ADAMTSL1: variants seen among roughly 807,000 people sequenced by gnomAD.
The protein encoded by ADAMTSL1 is ADAMTS-like protein 1.
In ADAMTSL1, 126 loss-of-function variants were observed where a neutral mutation model predicts 201.8. The observed-to-expected ratio is 0.62, with a 90% CI of 0.54 to 0.72. The LOEUF (loss-of-function observed/expected upper bound fraction) is 0.72, where lower values mean the gene tolerates loss of function less well. Among genes scored for constraint, ADAMTSL1 ranks in the 30% least tolerant of loss-of-function variants. The pLI is 0.00. For synonymous variants in ADAMTSL1, 1,121 were observed against 903.4 expected (o/e 1.24, Z -4.32); for missense variants, 2,679 against 2,277.8 (o/e 1.18, Z -3.59).
chr9:18,890,528 T>C (rs1274281151), intron 25 of ADAMTSL1: 3 of 455,934 alleles, frequency 6.6e-6, no homozygotes, highest in South Asian at 1.5e-5. Context: ...ATACAATACT[T>C]AGGCAACTGC....
chr9:17,912,116 T>C lies in ADAMTSL1; in HGVS notation c.87+5194T>C, dbSNP rs1825915750. On this transcript the variant is annotated intron_variant, in intron 1 of 29. Transcript: ENST00000680146. The stretch of plus-strand genomic sequence containing the variant: ...GACATTTGGGTTGGTTCCAAGTCTT[T>C]GCTGTTGTGAATAATGCCGCAATAA... Among the ~76,000 whole-genome samples the C allele has an allele frequency of 5.9e-5, 3 of 50,554 alleles. 1 individual carries two copies. Among genetic ancestry groups the C allele is most frequent in the African/African-American group, 1.1e-4 (3 of 28,322 alleles). 33.2% of individuals were successfully genotyped at this position (50,554 alleles called of 152,430 possible).
chr9:18,230,431 A>G (rs183561907), intron 2 of ADAMTSL1, among the ~76,000 whole-genome samples: 166 of 152,292 alleles, frequency 1.1e-3, no homozygotes, highest in African/African-American at 3.7e-3. Context: ...CAATGTGAGT[A>G]AAGGTCCAAA....
intron 1 of ADAMTSL1, among the ~76,000 whole-genome samples, chr9:18,027,102 T>G (rs911239614): frequency 2.6e-5 from 4 of 151,824 alleles, no homozygotes; most frequent in Non-Finnish European, 5.9e-5. Context: ...CTCTTTTTTT[T>G]TTTTTAATTT....
At chr9:18,668,584 C>A (rs1829614816) in intron 9 of ADAMTSL1, among the ~76,000 whole-genome samples, 1 of 152,156 alleles carries the variant, frequency 6.6e-6, no homozygotes, top group South Asian at 2.1e-4. Context: ...AGCCAAAAGA[C>A]TTTACTAGCT....
At chr9:18,399,487 G>T (rs989845121) in intron 2 of ADAMTSL1, among the ~76,000 whole-genome samples, 1 of 146,030 alleles carries the variant, frequency 6.8e-6, no homozygotes, top group Non-Finnish European at 1.5e-5. Flanking sequence ...GATTACAGAC[G>T]CGTGTCACCA....
chr9:18,730,091 A>G (rs1315226756), intron 15 of ADAMTSL1, among the ~76,000 whole-genome samples: 1 of 152,178 alleles, frequency 6.6e-6, no homozygotes, highest in African/African-American at 2.4e-5. Flanking sequence ...GTCCTAAGGT[A>G]ACAATTTAAG....
At chr9:18,167,192 G>A (rs540956398) in intron 2 of ADAMTSL1, among the ~76,000 whole-genome samples, 1 of 151,972 alleles carries the variant, frequency 6.6e-6, no homozygotes, top group Non-Finnish European at 1.5e-5. Flanking sequence ...ATTGTAAGCT[G>A]GATGCAAAAA....
intron 1 of ADAMTSL1, among the ~76,000 whole-genome samples, chr9:17,967,730 G>T (rs1818035647): frequency 6.6e-6 from 1 of 151,948 alleles, no homozygotes; most frequent in Non-Finnish European, 1.5e-5. Context: ...GAGGTCTTTT[G>T]TGTCCTATTG....
At chr9:18,475,957 T>C (rs1417179281) in intron 1 of ADAMTSL1, among the ~76,000 whole-genome samples, 1 of 152,170 alleles carries the variant, frequency 6.6e-6, no homozygotes, top group Non-Finnish European at 1.5e-5. Flanking sequence ...ATATATGTAT[T>C]AGAGCATATA....
chr9:18,340,343 T>G (rs2132959690), intron 2 of ADAMTSL1, among the ~76,000 whole-genome samples: 1 of 152,342 alleles, frequency 6.6e-6, no homozygotes, highest in East Asian at 1.9e-4. Context: ...TACTTACTAT[T>G]CTTGAATTCA....
At position 18,585,835 on chromosome 9, in the gene ADAMTSL1, T is replaced by C. The variant is rs147917825; in HGVS notation, c.474+11569T>C. On this transcript the variant is annotated intron_variant, in intron 4 of 28. Transcript: ENST00000380548. ...CAATAAATGTTATTCATCACATAAA[T>C]AGAACTAAAGACAATAGTCCCAGAT... is the stretch of plus-strand genomic sequence containing the variant. 8.1e-3 allele frequency among the ~76,000 whole-genome samples: 1,238 copies of C among 152,168 alleles called. 25 individuals are homozygous for C. Among genetic ancestry groups the C allele is most frequent in the African/African-American group, 0.029 (1,193 of 41,560 alleles).
chr9:18,166,573 A>G (rs886963229), intron 2 of ADAMTSL1, among the ~76,000 whole-genome samples: 4 of 152,038 alleles, frequency 2.6e-5, no homozygotes, highest in African/African-American at 9.6e-5. Context: ...AAACTCAGGG[A>G]TGTTTGCCAA....
chr9:18,081,224 A>G (rs1013854014), intron 1 of ADAMTSL1, among the ~76,000 whole-genome samples: 2 of 152,200 alleles, frequency 1.3e-5, no homozygotes, highest in African/African-American at 4.8e-5. Context: ...CTGCTCTTTT[A>G]GTTCTGAAGA....
intron 1 of ADAMTSL1, among the ~76,000 whole-genome samples, chr9:18,060,947 T>C (rs1162032730): frequency 1.3e-5 from 2 of 152,202 alleles, no homozygotes; most frequent in Non-Finnish European, 2.9e-5. Context: ...ACAGGTACTA[T>C]GTCATATAAC....
At chr9:18,503,980 A>ATGTG (rs57749719) in intron 1 of ADAMTSL1, among the ~76,000 whole-genome samples, 1,809 of 148,108 alleles carry the variant, frequency 0.012, 15 homozygotes, top group African/African-American at 0.029. Context: ...ATGTGCATGC[A>ATGTG]TGTGTGTGTG....
At chr9:18,603,338 G>C (rs1824782016) in intron 4 of ADAMTSL1, among the ~76,000 whole-genome samples, 1 of 149,722 alleles carries the variant, frequency 6.7e-6, no homozygotes, top group Non-Finnish European at 1.5e-5. Context: ...TGTCTCCAAA[G>C]CTATATGCTA....
At chr9:18,902,981 G>T (rs1172459457) in intron 26 of ADAMTSL1, among the ~76,000 whole-genome samples, 1 of 152,208 alleles carries the variant, frequency 6.6e-6, no homozygotes, top group African/African-American at 2.4e-5. Flanking sequence ...GAAGCAGGCA[G>T]ATCACTTGAG....
In ADAMTSL1 at chr9:18,216,427, A is replaced by C. The variant is rs150192303; in HGVS notation, c.207+52446A>C. On this transcript the variant is annotated intron_variant, in intron 2 of 29. Coordinates refer to the ADAMTSL1 transcript ENST00000680146. The stretch of plus-strand genomic sequence containing the variant: ...TTCACCACAATTCTTTTGCACTTGC[A>C]GTAGATGCCTCTGAAAGAAACACAG... Among the ~76,000 whole-genome samples, 383 of 152,334 alleles carry C rather than the reference A, an allele frequency of 2.5e-3. 2 individuals are homozygous for C. Among genetic ancestry groups the C allele is most frequent in the African/African-American group, 8.5e-3 (355 of 41,584 alleles).
At chr9:18,376,186 A>G (rs139825681) in intron 2 of ADAMTSL1, among the ~76,000 whole-genome samples, 138 of 152,364 alleles carry the variant, frequency 9.1e-4, no homozygotes, top group African/African-American at 2.9e-3. Flanking sequence ...AAGTAAAATA[A>G]TCATAAACAG....
Sources: allele counts gnomAD v4.1 joint callset (sites outside exome capture counted in the v4.1 genomes callset), GRCh38; gene constraint gnomAD v4.1.1; transcripts MANE v1.5; gene names NCBI Gene and HGNC (gene_info 2026-07-23, HGNC 2026-07-21).